Variants in CUL1 observed in about 807,000 individuals in gnomAD.
CUL1 encodes the protein cullin-1.
A neutral mutation model predicts 118.0 loss-of-function variants in CUL1; 24 were observed. That is an observed-to-expected ratio of 0.20 (90% CI 0.15 to 0.29). The LOEUF (loss-of-function observed/expected upper bound fraction) is 0.29, where lower values mean the gene tolerates loss of function less well. CUL1 is among the 10% of genes least tolerant of loss of function. The probability of loss-of-function intolerance (pLI) is 1.00; values close to 1 mark genes in which losing one functional copy is unlikely to be tolerated. For missense variants in CUL1, 361 were observed against 933.8 expected, an observed-to-expected ratio of 0.39 and a Z score of 7.99; for synonymous variants, 332 against 340.4, an observed-to-expected ratio of 0.98 and a Z score of 0.27.
intron 11 of CUL1, among the ~76,000 whole-genome samples, chr7:148,784,597 G>A (rs1800758243): frequency 6.6e-6 from 1 of 152,052 alleles, no homozygotes; most frequent in Non-Finnish European, 1.5e-5. Flanking sequence ...TTTTGTTTGT[G>A]TGTTCTGGTT....
In CUL1 at chr7:148,763,146, C is replaced by CA. The variant is rs932302072; in HGVS notation, c.789+2661dup. ...TGGGCAACAGAGTGAGACTCTGTCT[C>CA]AAAAAAAAAAATAAAAATAAAAATA... On this transcript the variant is annotated intron_variant, in intron 7 of 21. Coordinates refer to ENST00000325222, the MANE Select transcript of CUL1 (RefSeq NM_003592.3). 3.9e-3 allele frequency among the ~76,000 whole-genome samples: 558 copies of CA among 141,560 alleles called. 1 individual carries two copies. Among genetic ancestry groups the CA allele is most frequent in the Non-Finnish European group, 5.8e-3 (373 of 64,220 alleles). The allele number at this position is 141,560 out of a possible 152,430, so 92.9% of individuals were successfully genotyped here. A position where few individuals can be genotyped will look rare whatever the true frequency, so the allele number is the denominator to read the frequency against.
chr7:148,744,288 T>G (rs571610968), intron 2 of CUL1, among the ~76,000 whole-genome samples: 1 of 152,254 alleles, frequency 6.6e-6, no homozygotes, highest in South Asian at 2.1e-4. Flanking sequence ...TACCATTTTG[T>G]TTTTTTCTCC....
Position 148,800,970 on chromosome 7 carries a change from C to CGTTT in CUL1, c.*388_*389insGTTT. 6.1e-6 allele frequency: 1 copy of CGTTT among 164,400 alleles called. No individual in the cohort carries two copies. The highest frequency in any genetic ancestry group is 1.7e-4 in the East Asian group (1 of 5,850). 10.2% of individuals were successfully genotyped at this position (164,400 alleles called of 1,614,324 possible). ...ACCCACATGTAACCTGCTATGAAAA[C>CGTTT]CATTTGTATAGTGTGTTTCATTTTT... On this transcript the variant is annotated 3_prime_UTR_variant, in exon 22 of 22. Coordinates refer to ENST00000325222, the MANE Select transcript of CUL1 (RefSeq NM_003592.3). This position sits in a 1 kb window ranked among gnomAD's most constrained non-coding sequence, Gnocchi z 4.6.
intron 2 of CUL1, among the ~76,000 whole-genome samples, chr7:148,744,133 G>T (rs192446958): frequency 3.3e-5 from 5 of 152,136 alleles, no homozygotes; most frequent in Admixed American, 3.3e-4. Flanking sequence ...TTCAACTTAT[G>T]TGTATTTTTA....
At position 148,739,912 on chromosome 7, in the gene CUL1, C is replaced by A. The variant is rs149675591; in HGVS notation, c.140+9650C>A. Among the ~76,000 whole-genome samples the A allele has an allele frequency of 2.6e-3, 400 of 152,196 alleles. 1 individual carries two copies. Among genetic ancestry groups the A allele is most frequent in the African/African-American group, 9.3e-3 (387 of 41,524 alleles). ...CTTTTGTATATGGTGTACAGTAAGG[C>A]TTAAGGTTAAATTTCCCCTGTGTGG... is the stretch of plus-strand genomic sequence containing the variant. On this transcript the variant is annotated intron_variant, in intron 2 of 21. Coordinates refer to ENST00000325222, the MANE Select transcript of CUL1 (RefSeq NM_003592.3).
chr7:148,733,137 T>C (rs1239274434), intron 2 of CUL1, among the ~76,000 whole-genome samples: 2 of 152,304 alleles, frequency 1.3e-5, no homozygotes, highest in African/African-American at 4.8e-5. Context: ...GACTCTAGAA[T>C]TGCCTTTAGA....
intron 7 of CUL1, among the ~76,000 whole-genome samples, chr7:148,764,504 G>A (rs541197400): frequency 6.6e-6 from 1 of 152,322 alleles, no homozygotes; most frequent in East Asian, 1.9e-4. Context: ...TAGACTAAGA[G>A]GTGGAGAGCC....
intron 9 of CUL1, chr7:148,783,233 G>C: frequency 7.8e-6 from 5 of 639,260 alleles, no homozygotes; most frequent in Non-Finnish European, 9.7e-6. Context: ...TTGCTGCCCT[G>C]CGCCGCGCTC....
chr7:148,730,167 T>C lies in CUL1; in HGVS notation c.45T>C (p.Ile15=), dbSNP rs760526786. The C allele has an allele frequency of 7.4e-6, 12 of 1,614,022 alleles. No homozygotes were observed. The highest frequency in any genetic ancestry group is 1.0e-5 in the Non-Finnish European group (12 of 1,180,016). The change falls in exon 2 of 22, where the codon ATT becomes ATC. Residue 15 remains isoleucine (I), a synonymous_variant. Transcript: ENST00000325222. The stretch of plus-strand genomic sequence containing the variant: ...AGAACCCCCACGGCCTGAAGCAGAT[T>C]GGCCTGGACCAGATCTGGGACGACC... ...RSQNPHGLKQ[I]GLDQIWDDLR...
intron 21 of CUL1, 76 bp downstream of exon 21, chr7:148,799,464 T>A: frequency 3.1e-6 from 3 of 968,686 alleles, no homozygotes; most frequent in Admixed American, 4.3e-5. Context: ...GTGGATTGAT[T>A]GCTGTAGCAT....
intron 1 of CUL1, among the ~76,000 whole-genome samples, chr7:148,724,732 G>A (rs530743083): frequency 9.2e-5 from 14 of 152,296 alleles, no homozygotes; most frequent in Non-Finnish European, 1.8e-4. Flanking sequence ...CAGGGTACAC[G>A]CCCGAAACGC....
intron 7 of CUL1, among the ~76,000 whole-genome samples, chr7:148,763,068 A>T (rs1473316552): frequency 1.3e-5 from 2 of 151,946 alleles, no homozygotes; most frequent in African/African-American, 4.8e-5. Flanking sequence ...AATCACTTGA[A>T]CCTGGGAGGC....
intron 6 of CUL1, 103 bp from the exon 7 acceptor site, chr7:148,760,230 A>T (rs1489867334): frequency 3.3e-6 from 3 of 896,956 alleles, no homozygotes; most frequent in Non-Finnish European, 4.9e-6. Flanking sequence ...TTTCACATTT[A>T]CCTTTTAAAC....
intron 15 of CUL1, 133 bp from the exon 16 acceptor site, chr7:148,790,177 T>G: frequency 1.1e-6 from 1 of 949,032 alleles, no homozygotes; most frequent in Non-Finnish European, 1.6e-6. Context: ...GGCAGACACC[T>G]GGCGTTTGTA....
intron 17 of CUL1, among the ~76,000 whole-genome samples, chr7:148,793,103 T>C (rs1413929129): frequency 1.3e-5 from 2 of 152,038 alleles, no homozygotes; most frequent in African/African-American, 4.8e-5. Flanking sequence ...GAGGCTGCAG[T>C]GAGCTATGAT....
At chr7:148,759,204 A>C in intron 4 of CUL1, 100 bp from the exon 5 acceptor site, 3 of 1,198,234 alleles carry the variant, frequency 2.5e-6, no homozygotes, top group South Asian at 1.3e-5. Context: ...GTAATCTAGA[A>C]ATTTTGATAA....
Position 148,760,442 on chromosome 7 carries a change from C to T in CUL1, c.735C>T (p.Thr245=). The change falls in exon 7 of 22, where the codon ACC becomes ACT. Residue 245 remains threonine (T), a synonymous_variant. Coordinates refer to ENST00000325222, the MANE Select transcript of CUL1 (RefSeq NM_003592.3). ...QFLADTERFY[T]RESTEFLQQN... ...TGGCTGACACAGAGAGATTTTATAC[C>T]AGAGAGAGTACTGAATTCTTGCAGC... 1 of 1,612,622 alleles carries T rather than the reference C, an allele frequency of 6.2e-7. No homozygotes were observed. Among genetic ancestry groups the T allele is most frequent in the Non-Finnish European group, 8.5e-7 (1 of 1,179,324 alleles).
rs200013850 is a variant in CUL1, at chr7:148,759,599, A to C, written c.586A>C (p.Ile196Leu). The change falls in exon 6 of 22, where the codon ATC becomes CTC. Residue 196 changes from isoleucine to leucine, a missense_variant. By Grantham distance (5) the Ile-to-Leu change is conservative (BLOSUM62 2). Around this residue, in one of 7 missense-constraint regions of CUL1, gnomAD observed 169 missense variants for 429.7 expected, o/e 0.39. Coordinates refer to ENST00000325222, the MANE Select transcript of CUL1 (RefSeq NM_003592.3). The stretch of plus-strand genomic sequence containing the variant: ...TGAAAAGGAAAGGAATGGTGAAACC[A>C]TCAATACAAGATTGATTAGTGGAGT... ...LIEKERNGET[I>L]NTRLISGVVQ... The C allele has an allele frequency of 1.2e-6, 2 of 1,611,954 alleles. No homozygotes were observed. The highest frequency in any genetic ancestry group is 1.7e-6 in the Non-Finnish European group (2 of 1,178,718).
intron 1 of CUL1, among the ~76,000 whole-genome samples, chr7:148,721,447 C>G (rs1798393390): frequency 6.6e-6 from 1 of 151,896 alleles, no homozygotes; most frequent in African/African-American, 2.4e-5. Flanking sequence ...GTGTACCTGT[C>G]TCTCAGCTTT....
Sources: allele counts gnomAD v4.1 joint callset (sites outside exome capture counted in the v4.1 genomes callset), GRCh38; gene constraint gnomAD v4.1.1; regional missense constraint gnomAD v4.1.1; non-coding constraint Gnocchi (gnomAD v3.1); transcripts MANE v1.5; gene names NCBI Gene and HGNC (gene_info 2026-07-23, HGNC 2026-07-21).